The following CRYBG3 variants were observed in gnomAD, a reference collection of about 807,000 sequenced individuals.
CRYBG3 encodes crystallin beta-gamma domain containing 3.
A neutral mutation model predicts 244.2 loss-of-function variants in CRYBG3; 127 were observed. The ratio of observed to expected loss-of-function variants is 0.52; its 90% CI spans 0.45 to 0.60. The LOEUF (loss-of-function observed/expected upper bound fraction) is 0.60, where lower values mean the gene tolerates loss of function less well. Ranked by LOEUF, CRYBG3 falls within the 20% of genes least tolerant of loss-of-function variation. The pLI is 0.00. For missense variants in CRYBG3, 3,325 were observed against 3,442.5 expected, an observed-to-expected ratio of 0.97 and a Z score of 0.85; for synonymous variants, 1,132 against 1,195.8, an observed-to-expected ratio of 0.95 and a Z score of 1.10.
intron 7 of CRYBG3, among the ~76,000 whole-genome samples, chr3:97,885,644 T>G (rs1219234105): frequency 6.6e-6 from 1 of 152,176 alleles, no homozygotes; most frequent in African/African-American, 2.4e-5. Flanking sequence ...AAGAATTATT[T>G]CTTTAGTTGA....
intron 1 of CRYBG3, among the ~76,000 whole-genome samples, chr3:97,841,300 G>T (rs185663105): frequency 6.8e-6 from 1 of 147,624 alleles, no homozygotes; most frequent in East Asian, 2.0e-4. Context: ...ACACCTATAT[G>T]TATATATATG....
intron 20 of CRYBG3, 124 bp from the exon 21 acceptor site, chr3:97,942,160 T>G (rs2040245641): frequency 1.4e-6 from 1 of 740,104 alleles, no homozygotes; most frequent in Non-Finnish European, 2.0e-6. Flanking sequence ...TATATAGTAT[T>G]TTTTTAGATA....
intron 2 of CRYBG3, among the ~76,000 whole-genome samples, chr3:97,856,682 G>GT (rs1207149296): frequency 1.3e-5 from 2 of 151,792 alleles, no homozygotes; most frequent in South Asian, 2.1e-4. Context: ...TTTCCTCTAG[G>GT]TTTTTTTTGT....
chr3:97,834,848 A>C (rs758436705), intron 1 of CRYBG3, among the ~76,000 whole-genome samples: 1 of 152,116 alleles, frequency 6.6e-6, no homozygotes, highest in Non-Finnish European at 1.5e-5. Context: ...TTTTTCATCA[A>C]CTATGCTACT....
rs1050708009 is a variant in CRYBG3 at position 97,873,994 on chromosome 3, G to T, written c.2800G>T (p.Ala934Ser). The change falls in exon 4 of 22, where the codon GCT (alanine) becomes TCT (serine). Residue 934 changes from alanine (A) to serine (S), a missense_variant. Physicochemically the swap from Ala to Ser is moderately conservative, Grantham distance 99. Around this residue, in one of 4 missense-constraint regions of CRYBG3, gnomAD observed 1,526 missense variants for 1,443.2 expected, o/e 1.06. Coordinates refer to ENST00000389622, the MANE Select transcript of CRYBG3 (RefSeq NM_153605.4). ...PEVDALGSPP[A>S]LLKSNISWIL... is the part of the protein sequence containing the mutation. Reference sequence around the variant, plus strand: ...GGTAGATGCCTTAGGCTCTCCTCCTGCTCTTCTTAAAAGTAATATATCTTG... The same window carrying T: ...GGTAGATGCCTTAGGCTCTCCTCCTTCTCTTCTTAAAAGTAATATATCTTG... The T allele has an allele frequency of 6.5e-7, 1 of 1,534,186 alleles. No individual in the cohort carries two copies. Among genetic ancestry groups the T allele is most frequent in the Admixed American group, 2.0e-5 (1 of 50,604 alleles).
chr3:97,853,778 C>T (rs2039023347), intron 2 of CRYBG3, among the ~76,000 whole-genome samples: 1 of 151,976 alleles, frequency 6.6e-6, no homozygotes, highest in African/African-American at 2.4e-5. Context: ...ATTGTGGTAT[C>T]ACAATCGTGG....
At position 97,876,143 on chromosome 3, in the gene CRYBG3, A is replaced by G. The variant is rs1444178616; in HGVS notation, c.4949A>G (p.Asp1650Gly). ...MPEVKNIHQK[D>G]AEGDIVKTEM... is the part of the protein sequence containing the mutation. The stretch of plus-strand genomic sequence containing the variant: ...GAAGTGAAAAATATCCACCAAAAGG[A>G]TGCTGAAGGGGATATTGTAAAGACT... The change falls in exon 4 of 22, where the codon GAT becomes GGT. Residue 1650 changes from aspartate (D) to glycine (G), a missense_variant. By Grantham distance (94) the Asp-to-Gly change is moderately conservative (BLOSUM62 -1). Around this residue, in one of 4 missense-constraint regions of CRYBG3, gnomAD observed 635 missense variants for 771.7 expected, o/e 0.82. Transcript: ENST00000389622. 2.4e-6 allele frequency: 3 copies of G among 1,231,904 alleles called. No homozygotes were observed. Among genetic ancestry groups the G allele is most frequent in the African/African-American group, 1.6e-5 (1 of 64,372 alleles). 76.3% of individuals were successfully genotyped at this position (1,231,904 alleles called of 1,614,324 possible).
Position 97,876,100 on chromosome 3 carries a change from G to A in CRYBG3, c.4906G>A (p.Val1636Met), listed in dbSNP as rs985481415. Residue 1636 changes from valine to methionine, a missense_variant, in exon 4 of 22, where the codon GTG (valine) becomes ATG (methionine). Coordinates refer to ENST00000389622, the MANE Select transcript of CRYBG3 (RefSeq NM_153605.4). ...DTEGDIGKIE[V>M]IPMMPEVKNI... ...TGAAGGGGATATTGGCAAAATTGAGGTGATACCTATGATGCCAGAAGTGAA... is the reference window on the plus strand; with the variant it reads ...TGAAGGGGATATTGGCAAAATTGAGATGATACCTATGATGCCAGAAGTGAA... The A allele has an allele frequency of 7.3e-6, 9 of 1,231,872 alleles. No homozygotes were observed. Among genetic ancestry groups the A allele is most frequent in the Non-Finnish European group, 9.1e-6 (9 of 987,850 alleles). 76.3% of individuals were successfully genotyped at this position (1,231,872 alleles called of 1,614,324 possible). A position where few individuals can be genotyped will look rare whatever the true frequency, so the allele number is the denominator to read the frequency against.
chr3:97,895,868 A>G (rs2108236390), intron 11 of CRYBG3, 91 bp from the exon 12 acceptor site: 2 of 1,167,614 alleles, frequency 1.7e-6, no homozygotes, highest in East Asian at 2.4e-5. Context: ...ATGGAGATGA[A>G]CCACTATGAG....
chr3:97,855,417 G>A (rs1037533040), intron 2 of CRYBG3, among the ~76,000 whole-genome samples: 6 of 152,068 alleles, frequency 3.9e-5, no homozygotes, highest in African/African-American at 1.2e-4. Flanking sequence ...GAGAATAATT[G>A]GTGTTCTTTA....
chr3:97,850,668 G>A (rs886770178), intron 2 of CRYBG3, among the ~76,000 whole-genome samples: 1 of 152,052 alleles, frequency 6.6e-6, no homozygotes, highest in Non-Finnish European at 1.5e-5. Context: ...CTGTGATAAC[G>A]ATCTAATGTT....
In CRYBG3 at chr3:97,886,693, C is replaced by A. The variant is rs1400740297; in HGVS notation, c.7215C>A (p.Tyr2405Ter). 1 of 1,612,624 alleles carries A rather than the reference C, an allele frequency of 6.2e-7. No homozygotes were observed. The highest frequency in any genetic ancestry group is 8.5e-7 in the Non-Finnish European group (1 of 1,179,296). Residue 2405 changes from tyrosine to a stop codon, truncating the protein, a stop_gained, in exon 8 of 22, where the codon TAC becomes TAA. Transcript: ENST00000389622. LOFTEE classifies it high-confidence loss of function. ...PQSDPACCPV[Y>*]IQRAVPNLEE... The stretch of plus-strand genomic sequence containing the variant: ...CTGACCCAGCCTGTTGTCCTGTCTA[C>A]ATACAGAGAGCAGTCCCCAATTTGG...
rs890433125 is a variant in CRYBG3 at position 97,942,112 on chromosome 3, G to A, written c.8665-172G>A. ...TCTGTACCATCTCCTACCCACAGCCGTAAAGAAGACATTAAAAAAGGCTTA... is the reference window on the plus strand; with the variant it reads ...TCTGTACCATCTCCTACCCACAGCCATAAAGAAGACATTAAAAAAGGCTTA... On this transcript the variant is annotated intron_variant, in intron 20 of 21. Coordinates refer to ENST00000389622, the MANE Select transcript of CRYBG3 (RefSeq NM_153605.4). The A allele has an allele frequency of 2.7e-5, 12 of 446,760 alleles. No individual in the cohort carries two copies. The Middle Eastern group carries it at 1.7e-3, about 64-fold the overall frequency. The allele number at this position is 446,760 out of a possible 1,614,324, so 27.7% of individuals were successfully genotyped here.
Position 97,874,610 on chromosome 3 carries a change from A to G in CRYBG3, c.3416A>G (p.Asp1139Gly), listed in dbSNP as rs1417179561. 5 of 1,536,046 alleles carry G rather than the reference A, an allele frequency of 3.3e-6. No individual in the cohort carries two copies. The highest frequency in any genetic ancestry group is 3.5e-6 in the Non-Finnish European group (4 of 1,146,870). Reference sequence around the variant, plus strand: ...ATTTATACTGGGAAGATATCCATTGATTTCCCAACTGCTGCCCAATTTGAC... The same window carrying G: ...ATTTATACTGGGAAGATATCCATTGGTTTCCCAACTGCTGCCCAATTTGAC... ...FGIYTGKISI[D>G]FPTAAQFDNL... Residue 1139 changes from aspartate (D) to glycine (G), a missense_variant, in exon 4 of 22, where the codon GAT becomes GGT. Coordinates refer to ENST00000389622, the MANE Select transcript of CRYBG3 (RefSeq NM_153605.4).
chr3:97,939,347 T>C (rs1575979442), intron 19 of CRYBG3, among the ~76,000 whole-genome samples: 1 of 152,200 alleles, frequency 6.6e-6, no homozygotes, highest in Admixed American at 6.6e-5. Context: ...AACAAAGGAA[T>C]TCTGAGTTTC....
chr3:97,910,316 C>T (rs1575958896), intron 15 of CRYBG3, among the ~76,000 whole-genome samples: 1 of 152,220 alleles, frequency 6.6e-6, no homozygotes, highest in African/African-American at 2.4e-5. Flanking sequence ...CCTAATCAAG[C>T]CTGGGCAATG....
chr3:97,918,027 A>T (rs752403016), intron 17 of CRYBG3, among the ~76,000 whole-genome samples: 34 of 152,156 alleles, frequency 2.2e-4, no homozygotes. Context: ...ACTGCTGCCT[A>T]TGCCACAATC....
chr3:97,913,506 G>T (rs755116928), intron 16 of CRYBG3, among the ~76,000 whole-genome samples: 2 of 152,202 alleles, frequency 1.3e-5, no homozygotes, highest in Non-Finnish European at 2.9e-5. Flanking sequence ...GCGTTCCAAT[G>T]AAACATTATT....
At chr3:97,826,894 A>G (rs1056117937) in intron 1 of CRYBG3, among the ~76,000 whole-genome samples, 1 of 152,250 alleles carries the variant, frequency 6.6e-6, no homozygotes, top group Non-Finnish European at 1.5e-5. Context: ...TTCAGAGCAT[A>G]CTTAATGTTT....
Sources: gnomAD v4.1 joint callset for allele counts (sites outside exome capture counted in the v4.1 genomes callset) on GRCh38, gnomAD v4.1.1 for gene constraint, gnomAD v4.1.1 regional missense constraint, MANE v1.5 for transcripts, NCBI Gene and HGNC (gene_info 2026-07-23, HGNC 2026-07-21) for gene names.